CTNNA3: variants seen among roughly 807,000 people sequenced by gnomAD.
CTNNA3 encodes catenin alpha 3.
In CTNNA3, 76 loss-of-function variants were observed where a neutral mutation model predicts 95.7. The ratio of observed to expected loss-of-function variants is 0.79; its 90% CI spans 0.66 to 0.96. The LOEUF is 0.96. Among genes scored for constraint, CTNNA3 ranks in the 40% least tolerant of loss-of-function variants. The probability of loss-of-function intolerance (pLI) is 0.00; values close to 1 mark genes in which losing one functional copy is unlikely to be tolerated. For synonymous variants in CTNNA3, 431 were observed against 374.4 expected, an observed-to-expected ratio of 1.15 and a Z score of -1.74; for missense variants, 1,191 against 1,089.8, an observed-to-expected ratio of 1.09 and a Z score of -1.31.
chr10:66,777,793 A>ATG lies in CTNNA3; in HGVS notation c.1048-2270_1048-2269insCA, dbSNP rs1304812993. On this transcript the variant is annotated intron_variant, in intron 7 of 17. Transcript: ENST00000433211. ...CACACACACACACACACACACACAC[A>ATG]CACATGCACACACACACACACACAC... 3.7e-4 allele frequency among the ~76,000 whole-genome samples: 43 copies of ATG among 116,526 alleles called. 1 individual carries two copies. The highest frequency in any genetic ancestry group is 1.9e-3 in the Admixed American group (23 of 11,914). 76.4% of individuals were successfully genotyped at this position (116,526 alleles called of 152,430 possible).
At chr10:66,549,842 G>A (rs979746944) in intron 10 of CTNNA3, among the ~76,000 whole-genome samples, 4 of 152,048 alleles carry the variant, frequency 2.6e-5, no homozygotes, top group Non-Finnish European at 4.4e-5. Flanking sequence ...TGCACACCTC[G>A]TATGATTCTT....
rs56801434 is a variant in CTNNA3 at position 66,664,889 on chromosome 10, TAAA to T, written c.1282-43108_1282-43106del. Among the ~76,000 whole-genome samples, 684 of 134,522 alleles carry T rather than the reference TAAA, an allele frequency of 5.1e-3. 7 individuals carry two copies. The highest frequency in any genetic ancestry group is 0.018 in the African/African-American group (662 of 36,738). The allele number at this position is 134,522 out of a possible 152,430, so 88.3% of individuals were successfully genotyped here. A position where few individuals can be genotyped will look rare whatever the true frequency, so the allele number is the denominator to read the frequency against. On this transcript the variant is annotated intron_variant, in intron 9 of 17. Transcript: ENST00000433211. ...CTGAATATGAGTCAGCTGAAAAAAT[TAAA>T]AAAAAAAAAAAAAAAAAACAGAGAT...
At chr10:67,310,889 A>C (rs1840765282) in intron 5 of CTNNA3, among the ~76,000 whole-genome samples, 1 of 152,214 alleles carries the variant, frequency 6.6e-6, no homozygotes, top group South Asian at 2.1e-4. Context: ...GGACATAGCC[A>C]AAACATATCA....
intron 11 of CTNNA3, among the ~76,000 whole-genome samples, chr10:66,501,462 T>A (rs1020551702): frequency 6.6e-6 from 1 of 152,128 alleles, no homozygotes; most frequent in African/African-American, 2.4e-5. Flanking sequence ...AGACTATAGA[T>A]CTCTTGTGAA....
At chr10:66,874,173 C>T (rs1380988344) in intron 7 of CTNNA3, among the ~76,000 whole-genome samples, 1 of 152,090 alleles carries the variant, frequency 6.6e-6, no homozygotes, top group African/African-American at 2.4e-5. Context: ...AGAACTCCTG[C>T]TGTGCTCAGT....
At chr10:66,940,896 G>T (rs1260018485) in intron 7 of CTNNA3, among the ~76,000 whole-genome samples, 1 of 152,134 alleles carries the variant, frequency 6.6e-6, no homozygotes, top group Non-Finnish European at 1.5e-5. Flanking sequence ...GTTTCTGTAT[G>T]CTCCAATAAC....
intron 7 of CTNNA3, among the ~76,000 whole-genome samples, chr10:67,169,510 A>T (rs1861923077): frequency 6.6e-6 from 1 of 152,182 alleles, no homozygotes; most frequent in Admixed American, 6.5e-5. Flanking sequence ...GACAAAGCTG[A>T]CAAAAAATAA....
At chr10:66,425,725 C>T (rs2093234929) in intron 11 of CTNNA3, among the ~76,000 whole-genome samples, 1 of 151,962 alleles carries the variant, frequency 6.6e-6, no homozygotes, top group Admixed American at 6.6e-5. Flanking sequence ...TATATATTCA[C>T]ACACATGCTT....
At chr10:66,242,927 A>G (rs10822774) in intron 13 of CTNNA3, among the ~76,000 whole-genome samples, 32,559 of 152,146 alleles carry the variant, frequency 0.21, 3,670 homozygotes, top group South Asian at 0.29. Flanking sequence ...GCATGTTAAT[A>G]CAATTGAACA....
chr10:66,422,478 TG>T (rs2093203729), intron 11 of CTNNA3, among the ~76,000 whole-genome samples: 1 of 152,184 alleles, frequency 6.6e-6, no homozygotes. Context: ...CTGTCTTTCA[TG>T]TAGGTCTATT....
At chr10:67,698,453 G>T (rs771452219), upstream of CTNNA3, among the ~76,000 whole-genome samples, 1 of 152,290 alleles carries the variant, frequency 6.6e-6, no homozygotes, top group African/African-American at 2.4e-5. Context: ...CCTCCAAAAA[G>T]AAGATAATTC....
intron 15 of CTNNA3, among the ~76,000 whole-genome samples, chr10:65,997,156 G>C (rs1446705695): frequency 6.6e-6 from 1 of 152,064 alleles, no homozygotes; most frequent in Non-Finnish European, 1.5e-5. Context: ...TCTCATAGTG[G>C]TTCTCCCACT....
intron 13 of CTNNA3, among the ~76,000 whole-genome samples, chr10:66,245,521 G>T (rs11527368): frequency 2.6e-5 from 4 of 152,038 alleles, no homozygotes; most frequent in South Asian, 2.1e-4. Flanking sequence ...GACAAGTGGA[G>T]GGTAAGCAAG....
intron 7 of CTNNA3, among the ~76,000 whole-genome samples, chr10:66,858,958 T>C (rs1843793339): frequency 6.6e-6 from 1 of 152,062 alleles, no homozygotes; most frequent in South Asian, 2.1e-4. Context: ...GCATTCCAGA[T>C]TGTATTTTAT....
At chr10:66,637,700 C>G (rs903023588) in intron 9 of CTNNA3, among the ~76,000 whole-genome samples, 7 of 152,194 alleles carry the variant, frequency 4.6e-5, no homozygotes, top group African/African-American at 1.7e-4. Flanking sequence ...AGATGGTAAC[C>G]TTAATGAGCA....
chr10:66,022,155 G>T (rs1313235227), intron 15 of CTNNA3, among the ~76,000 whole-genome samples: 3 of 152,082 alleles, frequency 2.0e-5, no homozygotes, highest in Admixed American at 2.0e-4. Flanking sequence ...ACCATGCCCA[G>T]CCTCGAAGAT....
chr10:67,561,673 C>T (rs1028300188), intron 3 of CTNNA3, among the ~76,000 whole-genome samples: 1 of 150,872 alleles, frequency 6.6e-6, no homozygotes, highest in South Asian at 2.1e-4. Context: ...CACAAAAAAC[C>T]CTGCAAAACA....
At chr10:66,442,604 A>T (rs1053113158) in intron 11 of CTNNA3, among the ~76,000 whole-genome samples, 17 of 152,058 alleles carry the variant, frequency 1.1e-4, no homozygotes, top group Non-Finnish European at 4.4e-5. Context: ...TGATGAATAG[A>T]AAAAAAATAG....
At chr10:66,497,392 G>A (rs557742824) in intron 11 of CTNNA3, among the ~76,000 whole-genome samples, 1 of 151,712 alleles carries the variant, frequency 6.6e-6, no homozygotes, top group Non-Finnish European at 1.5e-5. Flanking sequence ...CATAGAAAAT[G>A]ACTGGATAAT....
Sources: allele counts gnomAD v4.1 joint callset (sites outside exome capture counted in the v4.1 genomes callset), GRCh38; gene constraint gnomAD v4.1.1; transcripts MANE v1.5; gene names NCBI Gene and HGNC (gene_info 2026-07-23, HGNC 2026-07-21).